ARID5B: variants seen among roughly 807,000 people sequenced by gnomAD.
ARID5B encodes the protein AT-rich interaction domain 5B, also known as AT-rich interactive domain-containing protein 5B.
Under a neutral mutation model 97.2 loss-of-function variants are expected in ARID5B, and 13 were observed. The observed-to-expected ratio is 0.13, with a 90% confidence interval of 0.09 to 0.21. The LOEUF (loss-of-function observed/expected upper bound fraction) is 0.21. ARID5B is among the 10% of genes least tolerant of loss of function. The pLI is 1.00. For missense variants in ARID5B, 1,210 were observed against 1,465.3 expected, an observed-to-expected ratio of 0.83 and a Z score of 2.84; for synonymous variants, 556 against 570.3, an observed-to-expected ratio of 0.97 and a Z score of 0.36.
At chr10:61,919,378 A>G (rs1843971974) in intron 2 of ARID5B, among the ~76,000 whole-genome samples, 1 of 152,116 alleles carries the variant, frequency 6.6e-6, no homozygotes. Flanking sequence ...CGTCTTCCTC[A>G]TTTGGGGATG....
intron 3 of ARID5B, among the ~76,000 whole-genome samples, chr10:61,985,899 C>T (rs537446803): frequency 4.6e-5 from 7 of 152,044 alleles, no homozygotes; most frequent in Non-Finnish European, 1.0e-4. Context: ...CAATGGTCAT[C>T]TGTTTTTGAG....
intron 7 of ARID5B, among the ~76,000 whole-genome samples, chr10:62,062,676 T>C (rs191664040): frequency 7.7e-4 from 115 of 150,308 alleles, no homozygotes; most frequent in African/African-American, 2.6e-3. Flanking sequence ...TTTGGTAAAA[T>C]GGTAGTCTAA....
At chr10:62,023,398 T>G (rs768361182) in intron 4 of ARID5B, among the ~76,000 whole-genome samples, 2 of 152,234 alleles carry the variant, frequency 1.3e-5, no homozygotes, top group Non-Finnish European at 2.9e-5. Context: ...TGTATTTGCA[T>G]GTATGACACA....
At chr10:62,016,280 T>C (rs947037774) in intron 4 of ARID5B, among the ~76,000 whole-genome samples, 1 of 152,196 alleles carries the variant, frequency 6.6e-6, no homozygotes, top group South Asian at 2.1e-4. Flanking sequence ...AAGCTGAAAA[T>C]ACCAACACTC....
chr10:61,941,834 A>G (rs1179762309), intron 3 of ARID5B, among the ~76,000 whole-genome samples: 1 of 152,136 alleles, frequency 6.6e-6, no homozygotes, highest in Admixed American at 6.5e-5. Context: ...GAGTTTTTTG[A>G]TAATCTTCCT....
intron 4 of ARID5B, among the ~76,000 whole-genome samples, chr10:62,045,543 C>T (rs543931304): frequency 3.3e-5 from 5 of 151,688 alleles, no homozygotes; most frequent in South Asian, 2.1e-4. Context: ...CACCGCCTCC[C>T]GGGTTCAAGA....
rs1178685278 is a variant in ARID5B at position 62,095,754 on chromosome 10, T to G, written c.*2724T>G. The G allele has an allele frequency of 4.3e-6, 1 of 231,900 alleles. No individual in the cohort carries two copies. Among genetic ancestry groups the G allele is most frequent in the Non-Finnish European group, 8.5e-6 (1 of 117,008 alleles). The allele number at this position is 231,900 out of a possible 1,614,324, so 14.4% of individuals were successfully genotyped here. A position where few individuals can be genotyped will look rare whatever the true frequency, so the allele number is the denominator to read the frequency against. On this transcript the variant is annotated 3_prime_UTR_variant, in exon 10 of 10. Transcript: ENST00000279873. ...CGTTTTAAAATGTCTTAAATAAGGC[T>G]TTGTTTGCATTGTTTGAGTTCAAGG...
chr10:61,908,799 CAAA>C (rs369792859), intron 2 of ARID5B, among the ~76,000 whole-genome samples: 3 of 50,994 alleles, frequency 5.9e-5, no homozygotes, highest in African/African-American at 8.1e-5. Flanking sequence ...GACTCCATCT[CAAA>C]AAAAAAAAAA....
rs368165490 is a variant in ARID5B, at chr10:61,930,722, A to AAAAAAAATAAAT, written c.277-9458_277-9457insAAAATAAATAAA. The stretch of plus-strand genomic sequence containing the variant: ...GCGACAGAGCGAGACTCCGCCTCAA[A>AAAAAAAATAAAT]AAATAAATAAATAAATAAATAAATA... On this transcript the variant is annotated intron_variant, in intron 2 of 9. Transcript: ENST00000279873. Among the ~76,000 whole-genome samples the AAAAAAAATAAAT allele has an allele frequency of 2.1e-5, 3 of 140,438 alleles. No homozygotes were observed. The South Asian group carries it at 7.2e-4, about 34-fold the overall frequency. 92.1% of individuals were successfully genotyped at this position (140,438 alleles called of 152,430 possible). A position where few individuals can be genotyped will look rare whatever the true frequency, so the allele number is the denominator to read the frequency against.
intron 2 of ARID5B, among the ~76,000 whole-genome samples, chr10:61,926,960 G>T (rs139129382): frequency 6.6e-6 from 1 of 151,938 alleles, no homozygotes; most frequent in African/African-American, 2.4e-5. Flanking sequence ...AAGTAATTGC[G>T]GTTTTTGCCA....
intron 2 of ARID5B, among the ~76,000 whole-genome samples, chr10:61,904,638 C>G (rs12412757): frequency 6.6e-6 from 1 of 152,056 alleles, no homozygotes; most frequent in African/African-American, 2.4e-5. Context: ...GCATATACAT[C>G]GTCTAATATT....
At position 61,979,081 on chromosome 10, in the gene ARID5B, G is replaced by A. The variant is rs1197423731; in HGVS notation, c.503-21010G>A. ...CTGAGTGTGAGATGCAGCCAGCCAC[G>A]ACACAGAGCTCATCGGGAGAATTCC... is the stretch of plus-strand genomic sequence containing the variant. On this transcript the variant is annotated intron_variant, in intron 3 of 9. Coordinates refer to ENST00000279873, the MANE Select transcript of ARID5B (RefSeq NM_032199.3). Among the ~76,000 whole-genome samples the A allele has an allele frequency of 3.9e-5, 6 of 152,302 alleles. No homozygotes were observed. The South Asian group carries it at 8.3e-4, about 21-fold the overall frequency.
intron 2 of ARID5B, among the ~76,000 whole-genome samples, chr10:61,918,690 G>A (rs534853307): frequency 1.1e-4 from 16 of 152,262 alleles, no homozygotes; most frequent in Admixed American, 3.9e-4. Context: ...CAGTCACTTT[G>A]AAGGAGACAT....
chr10:62,091,205 G>C lies in ARID5B; in HGVS notation c.1742G>C (p.Cys581Ser), dbSNP rs755012949. The part of the protein sequence containing the change: ...VDSKQESKLC[C>S]FTESPESEPQ... ...TCAAAACAAGAATCCAAACTGTGCT[G>C]TTTTACAGAGAGCCCTGAAAGTGAA... Residue 581 changes from cysteine (C) to serine (S), a missense_variant, in exon 10 of 10, where the codon TGT (cysteine) becomes TCT (serine). Physicochemically the swap from Cys to Ser is moderately radical, Grantham distance 112. This residue lies in a region of ARID5B where 800 missense variants were observed against 839.1 expected (regional missense o/e 0.95). Transcript: ENST00000279873. 3 of 1,614,122 alleles carry C rather than the reference G, an allele frequency of 1.9e-6. No individual in the cohort carries two copies. Among genetic ancestry groups the C allele is most frequent in the Non-Finnish European group, 2.5e-6 (3 of 1,180,028 alleles).
At chr10:61,978,640 C>G (rs1242902545) in intron 3 of ARID5B, among the ~76,000 whole-genome samples, 1 of 152,156 alleles carries the variant, frequency 6.6e-6, no homozygotes, top group Admixed American at 6.5e-5. Flanking sequence ...TGGGAGTTCA[C>G]TCATGATTTG....
rs1844378172 is a variant in ARID5B at position 61,940,348 on chromosome 10, C to A, written c.442C>A (p.Gln148Lys). ...GAAGGAAGCTCTGCTGAAGTACAGG[C>A]AGTCAACCCTAAACAGTGGACTCAA... is the stretch of plus-strand genomic sequence containing the variant. ...GQKEALLKYR[Q>K]STLNSGLNFK... Residue 148 changes from glutamine (Q) to lysine (K), a missense_variant, in exon 3 of 10, where the codon CAG (glutamine) becomes AAG (lysine). Gln to Lys is a moderately conservative substitution (Grantham distance 53). Transcript: ENST00000279873. The A allele has an allele frequency of 6.2e-7, 1 of 1,614,016 alleles. No homozygotes were observed. Among genetic ancestry groups the A allele is most frequent in the Non-Finnish European group, 8.5e-7 (1 of 1,180,024 alleles).
At chr10:61,997,485 AT>A (rs1056815536) in intron 3 of ARID5B, among the ~76,000 whole-genome samples, 4 of 152,188 alleles carry the variant, frequency 2.6e-5, no homozygotes, top group Non-Finnish European at 5.9e-5. Context: ...GCAACTGTTC[AT>A]TTATACTCCT....
At chr10:62,034,471 A>G (rs1839536487) in intron 4 of ARID5B, among the ~76,000 whole-genome samples, 1 of 152,222 alleles carries the variant, frequency 6.6e-6, no homozygotes, top group Non-Finnish European at 1.5e-5. Flanking sequence ...CGCAGCTGAC[A>G]TGTTTAGCTA....
intron 3 of ARID5B, among the ~76,000 whole-genome samples, chr10:61,993,969 T>C (rs1838962912): frequency 6.6e-6 from 1 of 152,170 alleles, no homozygotes; most frequent in Admixed American, 6.5e-5. Flanking sequence ...ACATTCATAT[T>C]TCCTTTAAAA....
Sources: gnomAD v4.1 joint callset for allele counts (sites outside exome capture counted in the v4.1 genomes callset) on GRCh38, gnomAD v4.1.1 for gene constraint, gnomAD v4.1.1 regional missense constraint, MANE v1.5 for transcripts, NCBI Gene and HGNC (gene_info 2026-07-23, HGNC 2026-07-21) for gene names.